TENT5C: variants seen among roughly 807,000 people sequenced by gnomAD.
The protein encoded by TENT5C is terminal nucleotidyltransferase 5C.
In TENT5C, 5 loss-of-function variants were observed where a neutral mutation model predicts 22.2. The ratio of observed to expected loss-of-function variants is 0.22; its 90% confidence interval spans 0.12 to 0.47. TENT5C has a LOEUF of 0.47. TENT5C is among the 20% of genes least tolerant of loss of function. TENT5C has a pLI of 0.99. For synonymous variants in TENT5C, 199 were observed against 195.4 expected (o/e 1.02, Z -0.15); for missense variants, 364 against 500.9 (o/e 0.73, Z 2.61).
intron 1 of TENT5C, among the ~76,000 whole-genome samples, chr1:117,614,991 C>T (rs1437256): frequency 0.078 from 11,934 of 152,210 alleles, 511 homozygotes; most frequent in African/African-American, 0.11. Context: ...TTAAAACAAA[C>T]AGTAGCATAA....
At chr1:117,614,449 G>A (rs142237671) in intron 1 of TENT5C, among the ~76,000 whole-genome samples, 2 of 152,314 alleles carry the variant, frequency 1.3e-5, no homozygotes, top group Non-Finnish European at 2.9e-5. Flanking sequence ...ACGGTGTCCA[G>A]TCTCAGGTTC....
intron 1 of TENT5C, among the ~76,000 whole-genome samples, chr1:117,606,705 G>A (rs962891991): frequency 2.0e-5 from 3 of 152,182 alleles, no homozygotes; most frequent in Non-Finnish European, 2.9e-5. Context: ...GCAGCGGTCC[G>A]GGGCTTGGAT....
intron 1 of TENT5C, among the ~76,000 whole-genome samples, chr1:117,607,998 G>T (rs1653579220): frequency 6.6e-6 from 1 of 151,582 alleles, no homozygotes; most frequent in Non-Finnish European, 1.5e-5. Flanking sequence ...TCTCAATAAA[G>T]AGTTTTTAGG....
Position 117,623,877 on chromosome 1 carries a change from G to T in TENT5C, c.1009G>T (p.Ala337Ser). The T allele has an allele frequency of 6.2e-7, 1 of 1,614,150 alleles. No individual in the cohort carries two copies. The highest frequency in any genetic ancestry group is 8.5e-7 in the Non-Finnish European group (1 of 1,180,030). Residue 337 changes from alanine to serine, a missense_variant, in exon 2 of 2, where the codon GCC becomes TCC. Ala to Ser is a moderately conservative substitution (Grantham distance 99, BLOSUM62 1). Transcript: ENST00000369448. ...RQTLNLISLL[A>S]LRVLAEQNII... ...GACTCTGAACCTCATCTCCCTCCTG[G>T]CCTTGCGTGTGCTGGCGGAACAAAA...
chr1:117,615,112 A>G (rs970213007), intron 1 of TENT5C, among the ~76,000 whole-genome samples: 2 of 152,250 alleles, frequency 1.3e-5, no homozygotes, highest in Non-Finnish European at 2.9e-5. Flanking sequence ...CCTTGCTTTC[A>G]GAATTTGCCA....
At position 117,625,988 on chromosome 1, in the gene TENT5C, G is replaced by A. The variant is rs1654003390; in HGVS notation, c.*1944G>A. 2.0e-5 allele frequency: 5 copies of A among 246,090 alleles called. No homozygotes were observed. The Admixed American group carries it at 2.8e-4, about 14-fold the overall frequency. 15.2% of individuals were successfully genotyped at this position (246,090 alleles called of 1,614,324 possible). A position where few individuals can be genotyped will look rare whatever the true frequency, so the allele number is the denominator to read the frequency against. On this transcript the variant is annotated 3_prime_UTR_variant, in exon 2 of 2. Transcript: ENST00000369448. ...CAGTGTGCTTCAGTGTTAAGAGTGG[G>A]GCAATGAAGAGTGAACCCCAATGAA... is the stretch of plus-strand genomic sequence containing the variant.
chr1:117,607,959 G>T (rs1374328021), intron 1 of TENT5C, among the ~76,000 whole-genome samples: 1 of 151,912 alleles, frequency 6.6e-6, no homozygotes, highest in Non-Finnish European at 1.5e-5. Flanking sequence ...TTCTCTTAAG[G>T]TATACCCATA....
chr1:117,607,519 C>T (rs1164573309), intron 1 of TENT5C, among the ~76,000 whole-genome samples: 1 of 152,192 alleles, frequency 6.6e-6, no homozygotes, highest in Non-Finnish European at 1.5e-5. Flanking sequence ...GGAGACTGAA[C>T]CAGCCCAGGA....
intron 1 of TENT5C, among the ~76,000 whole-genome samples, chr1:117,620,858 A>G (rs1653879627): frequency 6.6e-6 from 1 of 152,216 alleles, no homozygotes; most frequent in African/African-American, 2.4e-5. Flanking sequence ...TTCCAGGTCC[A>G]TGGAAAAATT....
chr1:117,613,290 A>T (rs1340600960), intron 1 of TENT5C, among the ~76,000 whole-genome samples: 1 of 152,172 alleles, frequency 6.6e-6, no homozygotes, highest in African/African-American at 2.4e-5. Flanking sequence ...CTGTGTCCTG[A>T]CCTTGTTAAT....
At chr1:117,618,657 G>T (rs1775827) in intron 1 of TENT5C, among the ~76,000 whole-genome samples, 113 of 152,206 alleles carry the variant, frequency 7.4e-4, no homozygotes, top group African/African-American at 2.0e-3. Context: ...TGAATAGAAG[G>T]CTCCTAAGGG....
In TENT5C at chr1:117,622,839, C is replaced by T; in HGVS notation, c.-27-3C>T. 6.3e-7 allele frequency: 1 copy of T among 1,592,038 alleles called. No individual in the cohort carries two copies. The highest frequency in any genetic ancestry group is 8.6e-7 in the Non-Finnish European group (1 of 1,163,454). On this transcript the variant is annotated splice_region_variant and splice_polypyrimidine_tract_variant and intron_variant, in intron 1 of 1. Transcript: ENST00000369448. ...AACTCTGCTTCTCACCCCTCACTTT[C>T]AGTTTCCCCAGCCAGAACATCCCCT...
intron 1 of TENT5C, among the ~76,000 whole-genome samples, chr1:117,621,077 T>A (rs1020833414): frequency 6.6e-6 from 1 of 152,264 alleles, no homozygotes; most frequent in Admixed American, 6.5e-5. Flanking sequence ...CGTCACAGAT[T>A]TTGCTTGGGA....
At chr1:117,619,423 TCTG>T (rs933223575) in intron 1 of TENT5C, among the ~76,000 whole-genome samples, 7 of 152,192 alleles carry the variant, frequency 4.6e-5, no homozygotes, top group Admixed American at 3.9e-4. Context: ...TTGGGGTTCT[TCTG>T]GTATTTCTGA....
intron 1 of TENT5C, among the ~76,000 whole-genome samples, chr1:117,622,536 C>T (rs375426897): frequency 3.2e-4 from 49 of 152,304 alleles, no homozygotes; most frequent in African/African-American, 1.1e-3. Flanking sequence ...TGCTCACATT[C>T]TGTTTTCAGA....
rs975530116 is a variant in TENT5C at position 117,627,740 on chromosome 1, C to T, written c.*3696C>T. On this transcript the variant is annotated 3_prime_UTR_variant, in exon 2 of 2. Transcript: ENST00000369448. Reference sequence around the variant, plus strand: ...ACCAGTTAAAATCAGAGGACCAAGTCGTGGGGGAGGGGGGCGGTGTTGAGG... The same window carrying T: ...ACCAGTTAAAATCAGAGGACCAAGTTGTGGGGGAGGGGGGCGGTGTTGAGG... 4 of 247,474 alleles carry T rather than the reference C, an allele frequency of 1.6e-5. No homozygotes were observed. Among genetic ancestry groups the T allele is most frequent in the Admixed American group, 5.6e-5 (1 of 17,732 alleles). The allele number at this position is 247,474 out of a possible 1,614,324, so 15.3% of individuals were successfully genotyped here.
intron 1 of TENT5C, among the ~76,000 whole-genome samples, chr1:117,620,661 C>T (rs1210489165): frequency 2.0e-5 from 3 of 152,094 alleles, no homozygotes; most frequent in South Asian, 2.1e-4. Flanking sequence ...GGCAGGTGAG[C>T]GAGCATTACC....
At position 117,628,069 on chromosome 1, in the gene TENT5C, ACTC is replaced by A; in HGVS notation, c.*4026_*4028del. ...CAGATCTGTGGGTGTTTTTAAAAAA[ACTC>A]AACCTATCTGGTGTTTTATTTTAAT... is the stretch of plus-strand genomic sequence containing the variant. On this transcript the variant is annotated 3_prime_UTR_variant, in exon 2 of 2. Transcript: ENST00000369448. The A allele has an allele frequency of 4.0e-6, 1 of 248,108 alleles. No homozygotes were observed. The allele number at this position is 248,108 out of a possible 1,614,324, so 15.4% of individuals were successfully genotyped here. A position where few individuals can be genotyped will look rare whatever the true frequency, so the allele number is the denominator to read the frequency against.
At chr1:117,610,173 TTGA>T (rs1425857574) in intron 1 of TENT5C, among the ~76,000 whole-genome samples, 3 of 152,124 alleles carry the variant, frequency 2.0e-5, no homozygotes, top group African/African-American at 7.2e-5. Flanking sequence ...AGACAGGAAC[TTGA>T]TGAGGGCAGT....
Sources: gnomAD v4.1 joint callset for allele counts (sites outside exome capture counted in the v4.1 genomes callset) on GRCh38, gnomAD v4.1.1 for gene constraint, MANE v1.5 for transcripts, NCBI Gene and HGNC (gene_info 2026-07-23, HGNC 2026-07-21) for gene names.